ZNF385D: variants seen among roughly 807,000 people sequenced by gnomAD.
The protein encoded by ZNF385D is zinc finger protein 659.
In ZNF385D, 15 loss-of-function variants were observed where a neutral mutation model predicts 35.8. That is an observed-to-expected ratio of 0.42 (90% CI 0.28 to 0.64). The LOEUF is 0.64. Among genes scored for constraint, ZNF385D ranks in the 30% least tolerant of loss-of-function variants. ZNF385D has a pLI of 0.23. For synonymous variants in ZNF385D, 212 were observed against 186.8 expected (o/e 1.13, Z -1.10); for missense variants, 474 against 494.6 (o/e 0.96, Z 0.39).
In ZNF385D at chr3:21,603,570, T is replaced by C. The variant is rs929161454; in HGVS notation, c.166-38886A>G. 1.2e-4 allele frequency among the ~76,000 whole-genome samples: 18 copies of C among 152,192 alleles called. 1 individual carries two copies. Among genetic ancestry groups the C allele is most frequent in the African/African-American group, 3.6e-4 (15 of 41,452 alleles). On this transcript the variant is annotated intron_variant, in intron 2 of 7. Coordinates refer to ENST00000281523, the MANE Select transcript of ZNF385D (RefSeq NM_024697.3). ...TGAGCTAGTTCTCTATAAGGTAATA[T>C]ATAATAACTCTAAACAAGTGACAAC...
At chr3:21,535,473 T>G (rs1384223327) in intron 3 of ZNF385D, among the ~76,000 whole-genome samples, 1 of 152,176 alleles carries the variant, frequency 6.6e-6, no homozygotes. Flanking sequence ...ACTGCCAGAG[T>G]TAAAGCAACA....
intron 2 of ZNF385D, among the ~76,000 whole-genome samples, chr3:22,346,165 A>T (rs1284543884): frequency 6.6e-6 from 1 of 152,178 alleles, no homozygotes; most frequent in Admixed American, 6.5e-5. Flanking sequence ...CACTCCTGTT[A>T]GCCTTTATGC....
intron 3 of ZNF385D, among the ~76,000 whole-genome samples, chr3:21,908,096 A>G (rs943051628): frequency 1.2e-4 from 18 of 151,096 alleles, no homozygotes; most frequent in African/African-American, 4.4e-4. Flanking sequence ...TTTTCTCTCT[A>G]TATCTATATA....
intron 3 of ZNF385D, among the ~76,000 whole-genome samples, chr3:21,960,689 T>C (rs1702539853): frequency 6.6e-6 from 1 of 152,142 alleles, no homozygotes; most frequent in Admixed American, 6.6e-5. Context: ...TTAACCTAAA[T>C]ATTAATCAAC....
At chr3:22,060,642 C>A (rs753541948) in intron 3 of ZNF385D, among the ~76,000 whole-genome samples, 1 of 151,886 alleles carries the variant, frequency 6.6e-6, no homozygotes, top group Non-Finnish European at 1.5e-5. Context: ...ACTTAAAATA[C>A]GTTAACAGCC....
At chr3:22,062,637 C>T (rs1699750573) in intron 3 of ZNF385D, among the ~76,000 whole-genome samples, 1 of 152,184 alleles carries the variant, frequency 6.6e-6, no homozygotes. Flanking sequence ...CCCAAAGATG[C>T]ACTCTATCTT....
At chr3:22,119,004 C>T (rs1173589716) in intron 3 of ZNF385D, among the ~76,000 whole-genome samples, 2 of 151,988 alleles carry the variant, frequency 1.3e-5, no homozygotes, top group South Asian at 4.2e-4. Context: ...TGCTATTGTA[C>T]TGTTTTTTCA....
At chr3:21,733,130 C>A (rs1307644164) in intron 1 of ZNF385D, among the ~76,000 whole-genome samples, 2 of 151,774 alleles carry the variant, frequency 1.3e-5, no homozygotes, top group Non-Finnish European at 2.9e-5. Context: ...GGTTTCAGCA[C>A]CATTTTTTGA....
intron 3 of ZNF385D, among the ~76,000 whole-genome samples, chr3:21,832,631 AC>A (rs1365969422): frequency 3.9e-5 from 6 of 152,172 alleles, no homozygotes; most frequent in Non-Finnish European, 5.9e-5. Flanking sequence ...GCATTATTCA[AC>A]TTCACATTCT....
chr3:22,119,849 T>G (rs1702996372), intron 3 of ZNF385D, among the ~76,000 whole-genome samples: 1 of 152,058 alleles, frequency 6.6e-6, no homozygotes, highest in Non-Finnish European at 1.5e-5. Flanking sequence ...TGCGGCTTTT[T>G]AATTTTTTCA....
intron 3 of ZNF385D, among the ~76,000 whole-genome samples, chr3:22,095,360 G>A (rs1701561826): frequency 6.6e-6 from 1 of 151,266 alleles, no homozygotes; most frequent in African/African-American, 2.4e-5. Context: ...TATCTTTTTG[G>A]TATTCCATCA....
intron 2 of ZNF385D, among the ~76,000 whole-genome samples, chr3:21,600,786 C>T (rs1352222309): frequency 6.6e-6 from 1 of 150,790 alleles, no homozygotes; most frequent in East Asian, 1.9e-4. Context: ...TGATGAATAT[C>T]CAAAAGAAAA....
intron 2 of ZNF385D, among the ~76,000 whole-genome samples, chr3:22,317,100 A>C (rs1559515956): frequency 6.6e-6 from 1 of 151,884 alleles, no homozygotes; most frequent in Admixed American, 6.6e-5. Context: ...CAACATGGAG[A>C]AACCCCTTCT....
At chr3:22,183,182 T>C (rs1576459380) in intron 2 of ZNF385D, among the ~76,000 whole-genome samples, 1 of 152,264 alleles carries the variant, frequency 6.6e-6, no homozygotes, top group South Asian at 2.1e-4. Flanking sequence ...TAAGTTTACA[T>C]ATAGTATTAA....
At chr3:21,849,396 G>T (rs1696229941) in intron 3 of ZNF385D, among the ~76,000 whole-genome samples, 1 of 151,912 alleles carries the variant, frequency 6.6e-6, no homozygotes, top group African/African-American at 2.4e-5. Flanking sequence ...TGCTTTTCTG[G>T]TTCTTTAACA....
rs547313317 is a variant in ZNF385D at position 22,316,915 on chromosome 3, TCAC to T, written c.106+55532_106+55534del. ...CTAACCTTGTCTTGCCTCCTACCCT[TCAC>T]CAAGTGCAGGAAGGGGCTCAGTCTG... On this transcript the variant is annotated intron_variant, in intron 2 of 5. Transcript: ENST00000494108. Among the ~76,000 whole-genome samples, 6 of 152,090 alleles carry T rather than the reference TCAC, an allele frequency of 3.9e-5. No individual in the cohort carries two copies. The South Asian group carries it at 1.2e-3, about 32-fold the overall frequency.
chr3:21,969,917 G>T (rs1703142318), intron 3 of ZNF385D, among the ~76,000 whole-genome samples: 1 of 152,102 alleles, frequency 6.6e-6, no homozygotes, highest in Non-Finnish European at 1.5e-5. Context: ...TCTCTGCCTG[G>T]TATTCCAGAG....
intron 3 of ZNF385D, among the ~76,000 whole-genome samples, chr3:22,082,469 CA>C (rs1700802661): frequency 6.6e-6 from 1 of 152,186 alleles, no homozygotes; most frequent in Non-Finnish European, 1.5e-5. Context: ...AGTCCGAGAT[CA>C]AACTGCAAGG....
chr3:21,705,313 G>A (rs921059200), intron 1 of ZNF385D, among the ~76,000 whole-genome samples: 1 of 152,070 alleles, frequency 6.6e-6, no homozygotes, highest in South Asian at 2.1e-4. Context: ...GGACTAATAA[G>A]CTCTTTTAAA....
Sources: gnomAD v4.1 joint callset for allele counts (sites outside exome capture counted in the v4.1 genomes callset) on GRCh38, gnomAD v4.1.1 for gene constraint, MANE v1.5 for transcripts, NCBI Gene and HGNC (gene_info 2026-07-23, HGNC 2026-07-21) for gene names.